Variants in PLEKHH2 observed in about 807,000 individuals in gnomAD.
PLEKHH2 encodes pleckstrin homology domain-containing family H member 2.
Under a neutral mutation model 187.9 loss-of-function variants are expected in PLEKHH2, and 129 were observed. The observed-to-expected ratio is 0.69, with a 90% CI of 0.59 to 0.79. The LOEUF (loss-of-function observed/expected upper bound fraction) is 0.79, where lower values mean the gene tolerates loss of function less well. PLEKHH2 is among the 30% of genes least tolerant of loss of function. PLEKHH2 has a pLI of 0.00. For synonymous variants in PLEKHH2, 686 were observed against 605.6 expected, an observed-to-expected ratio of 1.13 and a Z score of -1.95; for missense variants, 2,076 against 1,751.2, an observed-to-expected ratio of 1.19 and a Z score of -3.31.
rs189540089 is a variant in PLEKHH2 at position 43,668,882 on chromosome 2, G to C, written c.124-9981G>C. On this transcript the variant is annotated intron_variant, in intron 2 of 29. Coordinates refer to ENST00000282406, the MANE Select transcript of PLEKHH2 (RefSeq NM_172069.4). The stretch of plus-strand genomic sequence containing the variant: ...GTTACCCGAAGAGTTAATTAGCTTT[G>C]AGTCTGGCCAGTTCCCTTGATACCC... 3.2e-3 allele frequency among the ~76,000 whole-genome samples: 482 copies of C among 152,274 alleles called. 12 individuals carry two copies. The highest frequency in any genetic ancestry group is 2.9e-3 in the East Asian group (15 of 5,184).
intron 19 of PLEKHH2, among the ~76,000 whole-genome samples, chr2:43,735,330 CAAATATCT>C (rs1263507481): frequency 1.3e-5 from 2 of 152,096 alleles, no homozygotes; most frequent in Non-Finnish European, 2.9e-5. Context: ...CACAGAAAGA[CAAATATCT>C]TATGTTTTCA....
chr2:43,724,653 G>A (rs1359245759), intron 16 of PLEKHH2, among the ~76,000 whole-genome samples: 2 of 152,112 alleles, frequency 1.3e-5, no homozygotes. Context: ...TCCTTTACTG[G>A]CATTTGGGAT....
At chr2:43,680,420 A>T (rs1358780116) in intron 3 of PLEKHH2, 1 of 156,590 alleles carries the variant, frequency 6.4e-6, no homozygotes, top group Admixed American at 6.5e-5. Context: ...TGTATCAACT[A>T]AAAACAAAAG....
chr2:43,705,397 A>C lies in PLEKHH2; in HGVS notation c.1727-925A>C, dbSNP rs930551156. ...CAGCCTCCTGATTAGTTAGGATGACAGGTGCATACCACCATGCCTTGATAC... is the reference window on the plus strand; with the variant it reads ...CAGCCTCCTGATTAGTTAGGATGACCGGTGCATACCACCATGCCTTGATAC... On this transcript the variant is annotated intron_variant, in intron 9 of 29. Transcript: ENST00000282406. Among the ~76,000 whole-genome samples the C allele has an allele frequency of 2.6e-5, 4 of 151,808 alleles. 1 individual carries two copies. Among genetic ancestry groups the C allele is most frequent in the African/African-American group, 9.7e-5 (4 of 41,382 alleles).
chr2:43,759,077 T>C, intron 27 of PLEKHH2, 48 bp downstream of exon 27: 1 of 1,574,924 alleles, frequency 6.3e-7, no homozygotes, highest in Non-Finnish European at 8.7e-7. Flanking sequence ...TTTGTGTACA[T>C]AGTTGACCAG....
At chr2:43,733,969 C>T (rs116128438) in intron 19 of PLEKHH2, among the ~76,000 whole-genome samples, 6 of 152,238 alleles carry the variant, frequency 3.9e-5, no homozygotes, top group African/African-American at 1.4e-4. Flanking sequence ...AAAATTGATT[C>T]CACAGGAAAA....
intron 3 of PLEKHH2, 32 bp downstream of exon 3, chr2:43,678,957 G>T (rs752178458): frequency 6.8e-7 from 1 of 1,460,984 alleles, no homozygotes; most frequent in Admixed American, 1.7e-5. Flanking sequence ...AATTTTTTTT[G>T]CCTGTACTAC....
At chr2:43,759,082 G>T in intron 27 of PLEKHH2, 53 bp downstream of exon 27, 1 of 1,567,310 alleles carries the variant, frequency 6.4e-7, no homozygotes, top group South Asian at 1.2e-5. Context: ...GTACATAGTT[G>T]ACCAGATTTA....
chr2:43,692,889 A>G (rs1668880459), intron 4 of PLEKHH2, among the ~76,000 whole-genome samples: 1 of 152,136 alleles, frequency 6.6e-6, no homozygotes, highest in South Asian at 2.1e-4. Flanking sequence ...TGGATGTGAG[A>G]ATGCTCGTTA....
chr2:43,645,380 T>C (rs1049648862), intron 2 of PLEKHH2, among the ~76,000 whole-genome samples: 6 of 152,178 alleles, frequency 3.9e-5, no homozygotes, highest in Admixed American at 2.0e-4. Flanking sequence ...AAATATTCTT[T>C]GAGGGCTAAT....
chr2:43,712,506 A>G, intron 15 of PLEKHH2, 123 bp downstream of exon 15: 6 of 1,194,654 alleles, frequency 5.0e-6, no homozygotes, highest in South Asian at 1.7e-5. Context: ...GGGATAGGAA[A>G]GGGTGTTTTT....
chr2:43,719,429 T>C (rs568825541), intron 15 of PLEKHH2, among the ~76,000 whole-genome samples: 1 of 152,116 alleles, frequency 6.6e-6, no homozygotes, highest in African/African-American at 2.4e-5. Context: ...ATTCTTCAGG[T>C]TTTCATCTTC....
At chr2:43,692,451 A>G (rs1289835052) in intron 3 of PLEKHH2, 63 bp from the exon 4 acceptor site, 3 of 1,336,078 alleles carry the variant, frequency 2.2e-6, no homozygotes, top group Non-Finnish European at 3.1e-6. Flanking sequence ...GTAAAATTCT[A>G]GGTTTAATAC....
At chr2:43,724,825 C>CT (rs1670659444) in intron 16 of PLEKHH2, among the ~76,000 whole-genome samples, 1 of 152,120 alleles carries the variant, frequency 6.6e-6, no homozygotes, top group South Asian at 2.1e-4. Context: ...AGTCAAATGA[C>CT]TGTTTTGGTG....
In PLEKHH2 at chr2:43,700,604, C is replaced by T. The variant is rs1669314865; in HGVS notation, c.1646C>T (p.Ser549Phe). The T allele has an allele frequency of 6.2e-7, 1 of 1,604,120 alleles. No individual in the cohort carries two copies. The highest frequency in any genetic ancestry group is 1.3e-5 in the African/African-American group (1 of 74,712). Residue 549 changes from serine to phenylalanine, a missense_variant, in exon 8 of 30, where the codon TCT becomes TTT. Physicochemically the swap from Ser to Phe is radical, Grantham distance 155. Transcript: ENST00000282406. ...ACTCCTCCCCTGCACCGTTTTCCTT[C>T]TTGGGTAATTATATCACCGCATGTA... ...PPTPPLHRFPSWESRIYAVAK... is the reference protein window; with the variant it reads ...PPTPPLHRFPFWESRIYAVAK...
At position 43,709,073 on chromosome 2, in the gene PLEKHH2, T is replaced by C. The variant is rs150394268; in HGVS notation, c.1967-917T>C. 3.9e-3 allele frequency among the ~76,000 whole-genome samples: 587 copies of C among 152,352 alleles called. 3 individuals carry two copies. The highest frequency in any genetic ancestry group is 0.014 in the African/African-American group (564 of 41,580). Reference sequence around the variant, plus strand: ...TCTCCAATTGTAGTGACTCATGAAATGTGGCTTGCAACTCCCAGGTAGTTT... The same window carrying C: ...TCTCCAATTGTAGTGACTCATGAAACGTGGCTTGCAACTCCCAGGTAGTTT... On this transcript the variant is annotated intron_variant, in intron 11 of 29. Coordinates refer to ENST00000282406, the MANE Select transcript of PLEKHH2 (RefSeq NM_172069.4).
chr2:43,691,415 A>G (rs1330602008), intron 3 of PLEKHH2, among the ~76,000 whole-genome samples: 1 of 152,252 alleles, frequency 6.6e-6, no homozygotes, highest in African/African-American at 2.4e-5. Flanking sequence ...AAAAGGTTAA[A>G]GTAAAGACAT....
chr2:43,756,606 T>G (rs551388223), intron 25 of PLEKHH2, among the ~76,000 whole-genome samples: 3 of 152,310 alleles, frequency 2.0e-5, no homozygotes, highest in South Asian at 2.1e-4. Context: ...GGAAGGTTAA[T>G]GTAGAAATGG....
intron 20 of PLEKHH2, among the ~76,000 whole-genome samples, chr2:43,739,566 T>C (rs1233869626): frequency 6.6e-6 from 1 of 152,184 alleles, no homozygotes; most frequent in African/African-American, 2.4e-5. Flanking sequence ...AATGGATTAC[T>C]TTTGCACATT....
Sources: gnomAD v4.1 joint callset for allele counts (sites outside exome capture counted in the v4.1 genomes callset) on GRCh38, gnomAD v4.1.1 for gene constraint, MANE v1.5 for transcripts, NCBI Gene and HGNC (gene_info 2026-07-23, HGNC 2026-07-21) for gene names.